Variants in RBFOX1 observed in about 807,000 individuals in gnomAD.
RBFOX1 encodes the protein RNA binding fox-1 homolog 1.
In RBFOX1, 8 loss-of-function variants were observed where a neutral mutation model predicts 57.7. That is an observed-to-expected ratio of 0.14 (90% CI 0.08 to 0.25). RBFOX1 has a LOEUF of 0.25. Ranked by LOEUF, RBFOX1 falls within the 10% of genes least tolerant of loss-of-function variation. RBFOX1 has a pLI of 1.00. For missense variants in RBFOX1, 611 were observed against 548.5 expected (o/e 1.11, Z -1.14); for synonymous variants, 326 against 222.4 (o/e 1.47, Z -4.15).
At chr16:7,058,556 C>T (rs899958882) in intron 4 of RBFOX1, among the ~76,000 whole-genome samples, 5 of 151,970 alleles carry the variant, frequency 3.3e-5, no homozygotes, top group African/African-American at 1.2e-4. Context: ...ATAATCATTG[C>T]ACAGATTTCA....
intron 4 of RBFOX1, among the ~76,000 whole-genome samples, chr16:7,098,605 C>G (rs1014723311): frequency 6.6e-6 from 1 of 152,086 alleles, no homozygotes; most frequent in Non-Finnish European, 1.5e-5. Flanking sequence ...GGTAATAACA[C>G]AGGAAATTCA....
chr16:6,626,139 G>A (rs2098302097), intron 2 of RBFOX1, among the ~76,000 whole-genome samples: 1 of 137,244 alleles, frequency 7.3e-6, no homozygotes, highest in Admixed American at 7.4e-5. Flanking sequence ...AATTCTGCAG[G>A]TTTTTTTTTT....
At chr16:6,444,689 TACAAGGC>T (rs1597340808) in intron 2 of RBFOX1, among the ~76,000 whole-genome samples, 2 of 151,974 alleles carry the variant, frequency 1.3e-5, no homozygotes, top group South Asian at 4.2e-4. Context: ...AATGGACTAA[TACAAGGC>T]ACAATAAGAA....
intron 1 of RBFOX1, among the ~76,000 whole-genome samples, chr16:5,242,777 C>T (rs1288322628): frequency 6.6e-6 from 1 of 152,078 alleles, no homozygotes; most frequent in Non-Finnish European, 1.5e-5. Flanking sequence ...TCTTTCTCAT[C>T]ACCAGGCCTG....
intron 1 of RBFOX1, among the ~76,000 whole-genome samples, chr16:6,227,219 A>AGG (rs2097424834): frequency 6.6e-6 from 1 of 152,160 alleles, no homozygotes; most frequent in Admixed American, 6.6e-5. Flanking sequence ...AGAGGTGAGC[A>AGG]TGAACCAGAA....
intron 15 of RBFOX1, chr16:7,709,668 T>A: frequency 6.7e-7 from 1 of 1,494,112 alleles, no homozygotes; most frequent in Non-Finnish European, 8.9e-7. Context: ...TGTGTGTACC[T>A]AGTACATAAG....
rs1184060519 is a variant in RBFOX1 at position 6,431,044 on chromosome 16, G to A, written c.-64+113987G>A. The stretch of plus-strand genomic sequence containing the variant: ...TCCCAGCTACTTGGGAGGCTGAGGA[G>A]GGAGGATTGCCTGAGCCCAGGAGTT... On this transcript the variant is annotated intron_variant, in intron 2 of 15. Transcript: ENST00000550418. 2.6e-5 allele frequency among the ~76,000 whole-genome samples: 4 copies of A among 152,078 alleles called. No homozygotes were observed. The South Asian group carries it at 6.3e-4, about 24-fold the overall frequency.
chr16:7,447,057 C>A (rs978815554), intron 4 of RBFOX1, among the ~76,000 whole-genome samples: 5 of 151,676 alleles, frequency 3.3e-5, no homozygotes, highest in African/African-American at 9.7e-5. Flanking sequence ...TGTGATCTAC[C>A]CGCCTTAGCC....
chr16:6,006,453 T>C (rs1567247881), intron 4 of RBFOX1, among the ~76,000 whole-genome samples: 1 of 152,048 alleles, frequency 6.6e-6, no homozygotes, highest in East Asian at 1.9e-4. Flanking sequence ...AGTCTGTGCC[T>C]ATTGGAGGGC....
At chr16:6,724,522 A>T (rs2066729717) in intron 3 of RBFOX1, among the ~76,000 whole-genome samples, 1 of 152,032 alleles carries the variant, frequency 6.6e-6, no homozygotes, top group South Asian at 2.1e-4. Flanking sequence ...TCTTCTGTGG[A>T]CGAGGAAGCA....
chr16:7,121,790 C>T lies in RBFOX1; in HGVS notation c.27+69692C>T, dbSNP rs549598659. On this transcript the variant is annotated intron_variant, in intron 4 of 15. Coordinates refer to ENST00000550418, the MANE Select transcript of RBFOX1 (RefSeq NM_018723.4). ...ATATATCTAATTTATTTTATATAAGCCTATAGAAGTAAAGATAGTGCAAAC... is the reference window on the plus strand; with the variant it reads ...ATATATCTAATTTATTTTATATAAGTCTATAGAAGTAAAGATAGTGCAAAC... 2.6e-5 allele frequency among the ~76,000 whole-genome samples: 4 copies of T among 151,524 alleles called. No individual in the cohort carries two copies. The South Asian group carries it at 8.4e-4, about 32-fold the overall frequency.
At chr16:5,728,617 TCG>T (rs2052242380) in intron 3 of RBFOX1, among the ~76,000 whole-genome samples, 1 of 152,154 alleles carries the variant, frequency 6.6e-6, no homozygotes, top group Admixed American at 6.5e-5. Flanking sequence ...TTGTCACTCC[TCG>T]CACATGTGAG....
intron 1 of RBFOX1, among the ~76,000 whole-genome samples, chr16:6,165,475 C>T (rs2096910387): frequency 6.6e-6 from 1 of 152,142 alleles, no homozygotes; most frequent in Non-Finnish European, 1.5e-5. Flanking sequence ...GCAGAAGTCT[C>T]ACTCAAAAGA....
chr16:7,335,264 CCTCA>C (rs1474234638), intron 4 of RBFOX1, among the ~76,000 whole-genome samples: 2 of 152,172 alleles, frequency 1.3e-5, no homozygotes, highest in African/African-American at 4.8e-5. Context: ...TGGGTTTCTT[CCTCA>C]CTCAGGAGGC....
At position 5,534,761 on chromosome 16, in the gene RBFOX1, A is replaced by G. The variant is rs186035681; in HGVS notation, c.259-64141A>G. On this transcript the variant is annotated intron_variant, in intron 2 of 2. Transcript: ENST00000585867. Reference sequence around the variant, plus strand: ...CAGACACACCCAGAAACAATACTTCACGAGCTATGTAGGCATCCTTAGATC... The same window carrying G: ...CAGACACACCCAGAAACAATACTTCGCGAGCTATGTAGGCATCCTTAGATC... Among the ~76,000 whole-genome samples the G allele has an allele frequency of 2.0e-5, 3 of 152,264 alleles. No individual in the cohort carries two copies. The East Asian group carries it at 5.8e-4, about 29-fold the overall frequency.
intron 4 of RBFOX1, among the ~76,000 whole-genome samples, chr16:7,257,015 C>G (rs969450121): frequency 5.9e-5 from 9 of 152,158 alleles, no homozygotes; most frequent in African/African-American, 1.2e-4. Context: ...CTCCTCTCCC[C>G]CTCTGATCCG....
intron 1 of RBFOX1, among the ~76,000 whole-genome samples, chr16:6,158,148 T>C (rs919630848): frequency 2.6e-5 from 4 of 152,102 alleles, no homozygotes; most frequent in African/African-American, 9.7e-5. Flanking sequence ...CAACCAATAA[T>C]GATGTCCACT....
intron 3 of RBFOX1, among the ~76,000 whole-genome samples, chr16:6,945,700 G>T (rs1028042154): frequency 6.6e-6 from 1 of 152,084 alleles, no homozygotes; most frequent in Non-Finnish European, 1.5e-5. Flanking sequence ...AGACCAGCCT[G>T]GCCAACATGG....
intron 4 of RBFOX1, among the ~76,000 whole-genome samples, chr16:7,168,653 G>A (rs1201988313): frequency 6.6e-6 from 1 of 152,112 alleles, no homozygotes; most frequent in East Asian, 1.9e-4. Context: ...TCACTGAGAA[G>A]CCTCCACCAC....
Sources: allele counts gnomAD v4.1 joint callset (sites outside exome capture counted in the v4.1 genomes callset), GRCh38; gene constraint gnomAD v4.1.1; transcripts MANE v1.5; gene names NCBI Gene and HGNC (gene_info 2026-07-23, HGNC 2026-07-21).